ECE1: variants seen among roughly 807,000 people sequenced by gnomAD.
ECE1 encodes the protein endothelin-converting enzyme 1.
Under a neutral mutation model 98.6 loss-of-function variants are expected in ECE1, and 35 were observed. The observed-to-expected ratio is 0.35, with a 90% confidence interval of 0.27 to 0.47. ECE1 has a LOEUF of 0.47. ECE1 is among the 20% of genes least tolerant of loss of function. The pLI is 1.00. For missense variants in ECE1, 814 were observed against 1,025.3 expected (o/e 0.79, Z 2.81); for synonymous variants, 394 against 407.1 (o/e 0.97, Z 0.39).
intron 10 of ECE1, among the ~76,000 whole-genome samples, chr1:21,240,650 G>A (rs1367035267): frequency 6.6e-6 from 1 of 152,180 alleles, no homozygotes; most frequent in Non-Finnish European, 1.5e-5. Flanking sequence ...TCCCAACTAC[G>A]TGTCCATTTG....
rs114491102 is a variant in ECE1, at chr1:21,342,007, G to A, written c.3+3369C>T. 7.6e-3 allele frequency among the ~76,000 whole-genome samples: 1,155 copies of A among 152,200 alleles called. 22 individuals are homozygous for A. Among genetic ancestry groups the A allele is most frequent in the African/African-American group, 0.027 (1,112 of 41,508 alleles). ...GTACCCTCACAATATCTGGAGAAGTGGAGCAAATCTGCCCCACTTTGTAGG... is the reference window on the plus strand; with the variant it reads ...GTACCCTCACAATATCTGGAGAAGTAGAGCAAATCTGCCCCACTTTGTAGG... On this transcript the variant is annotated intron_variant, in intron 1 of 18. Coordinates refer to the ECE1 transcript ENST00000415912.
intron 3 of ECE1, among the ~76,000 whole-genome samples, chr1:21,276,434 T>A (rs2098247299): frequency 6.6e-6 from 1 of 152,174 alleles, no homozygotes. Context: ...ACATGCGTGA[T>A]CAATTGAGAA....
chr1:21,236,685 C>T (rs180719930), intron 12 of ECE1, 61 bp downstream of exon 12: 10 of 1,509,844 alleles, frequency 6.6e-6, no homozygotes, highest in Middle Eastern at 2.1e-4. Context: ...CTCCTTCCCC[C>T]ACCCTCCTCT....
rs542603457 is a variant in ECE1, at chr1:21,313,212, G to T, written c.4-23056C>A. Reference sequence around the variant, plus strand: ...CCTTGTCTAGCCCCAGCCAATCAGGGTGGACCTGCAGCCAAACCAGATGCT... The same window carrying T: ...CCTTGTCTAGCCCCAGCCAATCAGGTTGGACCTGCAGCCAAACCAGATGCT... On this transcript the variant is annotated intron_variant, in intron 1 of 18. Coordinates refer to the ECE1 transcript ENST00000415912. Among the ~76,000 whole-genome samples the T allele has an allele frequency of 7.2e-5, 11 of 152,252 alleles. No homozygotes were observed. In the East Asian group the frequency reaches 2.1e-3, roughly 29 times the overall value.
rs1157346565 is a variant in ECE1, at chr1:21,345,104, G to C, written c.3+272C>G. On this transcript the variant is annotated intron_variant, in intron 1 of 18. Coordinates refer to the ECE1 transcript ENST00000415912. This position sits in a 1 kb window ranked among gnomAD's most constrained non-coding sequence, Gnocchi z 5.1. ...CAGCAACCGTCCCCAAAGCGAACCG[G>C]GGACCCCGAGCCCCCCACATCCGGC... The C allele has an allele frequency of 1.2e-5, 3 of 249,052 alleles. No individual in the cohort carries two copies. The highest frequency in any genetic ancestry group is 2.2e-5 in the Non-Finnish European group (3 of 136,306). 15.4% of individuals were successfully genotyped at this position (249,052 alleles called of 1,614,324 possible). A position where few individuals can be genotyped will look rare whatever the true frequency, so the allele number is the denominator to read the frequency against.
At chr1:21,334,138 G>T (rs908623299) in intron 1 of ECE1, among the ~76,000 whole-genome samples, 1 of 152,206 alleles carries the variant, frequency 6.6e-6, no homozygotes, top group Non-Finnish European at 1.5e-5. Context: ...GCTGGATGAG[G>T]AGTCTAGAAT....
At chr1:21,284,734 G>C (rs934715225) in intron 2 of ECE1, among the ~76,000 whole-genome samples, 1 of 152,216 alleles carries the variant, frequency 6.6e-6, no homozygotes, top group Non-Finnish European at 1.5e-5. Flanking sequence ...GACAAGCCGG[G>C]AGCAGAAAGG....
intron 10 of ECE1, among the ~76,000 whole-genome samples, chr1:21,244,147 T>C (rs1289888741): frequency 2.6e-5 from 4 of 152,112 alleles, no homozygotes; most frequent in Non-Finnish European, 5.9e-5. Flanking sequence ...GCTGTCTGGG[T>C]TGGGGAAGCT....
chr1:21,261,604 G>A (rs909517396), intron 4 of ECE1, among the ~76,000 whole-genome samples: 4 of 152,216 alleles, frequency 2.6e-5, no homozygotes, highest in Admixed American at 6.5e-5. Flanking sequence ...TAGACCGTGA[G>A]CTCCTTGGGA....
At chr1:21,246,105 A>T (rs2103261241) in intron 9 of ECE1, among the ~76,000 whole-genome samples, 1 of 152,332 alleles carries the variant, frequency 6.6e-6, no homozygotes. Flanking sequence ...TCTCATTAAA[A>T]AAATTTTAAC....
Position 21,272,687 on chromosome 1 carries a change from C to G in ECE1, c.493+12G>C. The G allele has an allele frequency of 7.4e-6, 12 of 1,614,216 alleles. No individual in the cohort carries two copies. Among genetic ancestry groups the G allele is most frequent in the Non-Finnish European group, 1.0e-5 (12 of 1,180,014 alleles). On this transcript the variant is annotated intron_variant, in intron 4 of 18. Transcript: ENST00000374893. ...TGTGGCCCATTTATTGGTCTCCATGCTGGATGCTTACCGAGGAGGTGCTTG... is the reference window on the plus strand; with the variant it reads ...TGTGGCCCATTTATTGGTCTCCATGGTGGATGCTTACCGAGGAGGTGCTTG...
In ECE1 at chr1:21,227,123, C is replaced by CA. The variant is rs770139224; in HGVS notation, c.1849+35dup. ...TCCTCCTCTTAAAGCACGGAGATTA[C>CA]AGGCATGAGCCATCGTGCCCAGCTG... On this transcript the variant is annotated intron_variant, in intron 16 of 18. Transcript: ENST00000374893. The CA allele has an allele frequency of 2.9e-5, 47 of 1,604,910 alleles. 2 individuals are homozygous for CA. In the Admixed American group the frequency reaches 7.8e-4, roughly 27 times the overall value.
chr1:21,290,471 G>A (rs1314646281), upstream of ECE1: 1 of 1,225,204 alleles, frequency 8.2e-7, no homozygotes, highest in East Asian at 3.2e-5. This position sits in a 1 kb window ranked among gnomAD's most constrained non-coding sequence, Gnocchi z 7.3. Context: ...GATGGGCCGG[G>A]CCAGGCGTTG....
intron 1 of ECE1, among the ~76,000 whole-genome samples, chr1:21,332,333 C>A (rs1210625447): frequency 6.6e-6 from 1 of 151,912 alleles, no homozygotes; most frequent in Non-Finnish European, 1.5e-5. Context: ...CAGAACCCTG[C>A]CTAGTAATAA....
rs1354155320 is a variant in ECE1, at chr1:21,340,988, C to T, written c.3+4388G>A. On this transcript the variant is annotated intron_variant, in intron 1 of 18. Transcript: ENST00000415912. The surrounding 1 kb of genome is among the most constrained non-coding windows in gnomAD (Gnocchi z 4.6). The stretch of plus-strand genomic sequence containing the variant: ...TCCTCCGTGCCTCCAGATGAACCAT[C>T]CCTGAAGGCACAGCGGTCTGTACTC... Among the ~76,000 whole-genome samples the T allele has an allele frequency of 1.3e-5, 2 of 152,130 alleles. No individual in the cohort carries two copies. Among genetic ancestry groups the T allele is most frequent in the African/African-American group, 4.8e-5 (2 of 41,404 alleles).
chr1:21,264,320 CTT>C (rs3835329), intron 4 of ECE1, among the ~76,000 whole-genome samples: 3 of 20,250 alleles, frequency 1.5e-4, no homozygotes, highest in African/African-American at 2.0e-4. Flanking sequence ...CCCCCCCCCC[CTT>C]TTTTTTTTTT....
chr1:21,236,001 G>T, intron 12 of ECE1, 74 bp from the exon 13 acceptor site: 1 of 1,430,500 alleles, frequency 7.0e-7, no homozygotes, highest in Non-Finnish European at 9.9e-7. Flanking sequence ...TGGGTGCTGG[G>T]CTCATAGTCT....
chr1:21,327,606 T>A lies in ECE1; in HGVS notation c.3+17770A>T, dbSNP rs1403851416. Among the ~76,000 whole-genome samples, 1 of 152,188 alleles carries A rather than the reference T, an allele frequency of 6.6e-6. No homozygotes were observed. Among genetic ancestry groups the A allele is most frequent in the Non-Finnish European group, 1.5e-5 (1 of 68,028 alleles). The stretch of plus-strand genomic sequence containing the variant: ...CCTTTTCTTACTTTGAGGGCACAAA[T>A]GGAGTCTTTTGGTATAGAGGAAAAT... On this transcript the variant is annotated intron_variant, in intron 1 of 18. Coordinates refer to the ECE1 transcript ENST00000415912. The surrounding 1 kb of genome is among the most constrained non-coding windows in gnomAD (Gnocchi z 4.6).
At position 21,219,881 on chromosome 1, in the gene ECE1, T is replaced by C. The variant is rs558275025; in HGVS notation, c.*74A>G. ...CCGGGTGGCCAAGCGGGCTGAGCAATGCCCTGGAGGCTGGATGGGGGTCTC... is the reference window on the plus strand; with the variant it reads ...CCGGGTGGCCAAGCGGGCTGAGCAACGCCCTGGAGGCTGGATGGGGGTCTC... On this transcript the variant is annotated 3_prime_UTR_variant, in exon 19 of 19. Transcript: ENST00000374893. The surrounding 1 kb of genome is among the most constrained non-coding windows in gnomAD (Gnocchi z 4.5). The C allele has an allele frequency of 1.3e-5, 21 of 1,594,110 alleles. 1 individual carries two copies. The South Asian group carries it at 2.0e-4, about 15-fold the overall frequency.
Sources: allele counts gnomAD v4.1 joint callset (sites outside exome capture counted in the v4.1 genomes callset), GRCh38; gene constraint gnomAD v4.1.1; non-coding constraint Gnocchi (gnomAD v3.1); transcripts MANE v1.5; gene names NCBI Gene and HGNC (gene_info 2026-07-23, HGNC 2026-07-21).